TMEM163: variants seen among roughly 807,000 people sequenced by gnomAD.
The protein encoded by TMEM163 is transmembrane protein 163.
Under a neutral mutation model 29.3 loss-of-function variants are expected in TMEM163, and 17 were observed. That is an observed-to-expected ratio of 0.58 (90% CI 0.40 to 0.87). The LOEUF (loss-of-function observed/expected upper bound fraction) is 0.87, where lower values mean the gene tolerates loss of function less well. TMEM163 is among the 40% of genes least tolerant of loss of function. TMEM163 has a pLI of 0.00. For missense variants in TMEM163, 303 were observed against 381.5 expected, an observed-to-expected ratio of 0.79 and a Z score of 1.71; for synonymous variants, 157 against 160.6, an observed-to-expected ratio of 0.98 and a Z score of 0.17.
At chr2:134,495,157 A>G (rs1487968491) in intron 5 of TMEM163, among the ~76,000 whole-genome samples, 1 of 152,188 alleles carries the variant, frequency 6.6e-6, no homozygotes, top group East Asian at 1.9e-4. Flanking sequence ...ACGAGTGGCA[A>G]AGTCAGGGAA....
At chr2:134,647,042 T>C (rs1457679332) in intron 2 of TMEM163, among the ~76,000 whole-genome samples, 1 of 152,184 alleles carries the variant, frequency 6.6e-6, no homozygotes, top group Non-Finnish European at 1.5e-5. Context: ...GCTTGAGAAG[T>C]AACAAGAAGA....
intron 4 of TMEM163, among the ~76,000 whole-genome samples, chr2:134,544,851 C>T (rs1474158596): frequency 6.6e-6 from 1 of 152,082 alleles, no homozygotes; most frequent in African/African-American, 2.4e-5. Flanking sequence ...ATACCAAGTA[C>T]CCAATGACCA....
chr2:134,674,631 T>C (rs1337970968), intron 2 of TMEM163, among the ~76,000 whole-genome samples: 2 of 151,980 alleles, frequency 1.3e-5, no homozygotes, highest in Non-Finnish European at 2.9e-5. Flanking sequence ...GTGCTGGGAT[T>C]ACAGGCGTGA....
intron 2 of TMEM163, among the ~76,000 whole-genome samples, chr2:134,601,232 G>C (rs1384623437): frequency 1.3e-5 from 2 of 152,126 alleles, no homozygotes; most frequent in Non-Finnish European, 2.9e-5. Context: ...ACATTTTCCT[G>C]AGTGTAATGC....
At chr2:134,645,509 C>A (rs930513741) in intron 2 of TMEM163, among the ~76,000 whole-genome samples, 22 of 152,182 alleles carry the variant, frequency 1.4e-4, no homozygotes, top group African/African-American at 5.1e-4. Flanking sequence ...AACACAAGAA[C>A]CTGTATGCAA....
chr2:134,629,493 T>C (rs1398571131), intron 2 of TMEM163, among the ~76,000 whole-genome samples: 1 of 152,188 alleles, frequency 6.6e-6, no homozygotes, highest in East Asian at 1.9e-4. Context: ...CCTTATCACA[T>C]GGCAAGTTTG....
intron 5 of TMEM163, among the ~76,000 whole-genome samples, chr2:134,470,446 A>T (rs535640017): frequency 4.4e-4 from 67 of 151,836 alleles, no homozygotes; most frequent in African/African-American, 1.5e-3. Flanking sequence ...TTGGGAAGCT[A>T]AGTTTTTTAA....
chr2:134,616,391 T>C (rs1488844282), intron 2 of TMEM163, among the ~76,000 whole-genome samples: 1 of 152,202 alleles, frequency 6.6e-6, no homozygotes, highest in East Asian at 1.9e-4. Flanking sequence ...CATCCACTTT[T>C]GAGTACTGAT....
chr2:134,681,562 T>C (rs941941669), intron 2 of TMEM163, among the ~76,000 whole-genome samples: 22 of 151,940 alleles, frequency 1.4e-4, no homozygotes, highest in Admixed American at 1.3e-3. Flanking sequence ...CTACATCCCA[T>C]GCAAACAGGA....
intron 2 of TMEM163, among the ~76,000 whole-genome samples, chr2:134,572,953 G>A (rs1418548632): frequency 2.0e-5 from 3 of 152,120 alleles, no homozygotes; most frequent in Non-Finnish European, 2.9e-5. Context: ...AGTACAACAC[G>A]CTGTTGAATC....
At chr2:134,502,640 T>C (rs1679723229) in intron 5 of TMEM163, among the ~76,000 whole-genome samples, 1 of 152,128 alleles carries the variant, frequency 6.6e-6, no homozygotes, top group African/African-American at 2.4e-5. Context: ...ACACAAAAAG[T>C]CTTGCTTTAA....
At chr2:134,488,629 G>C (rs1240927319) in intron 5 of TMEM163, among the ~76,000 whole-genome samples, 1 of 152,118 alleles carries the variant, frequency 6.6e-6, no homozygotes, top group African/African-American at 2.4e-5. Flanking sequence ...TGGGACTTTA[G>C]CATGTGATCA....
chr2:134,711,847 G>A (rs919797429), intron 2 of TMEM163, among the ~76,000 whole-genome samples: 15 of 152,126 alleles, frequency 9.9e-5, no homozygotes, highest in African/African-American at 2.4e-4. Flanking sequence ...ACATGGACAC[G>A]TCTGAGTTAC....
At chr2:134,680,861 C>T (rs1684215495) in intron 2 of TMEM163, among the ~76,000 whole-genome samples, 1 of 152,214 alleles carries the variant, frequency 6.6e-6, no homozygotes, top group Admixed American at 6.5e-5. Flanking sequence ...CTCTCCATAC[C>T]TCCATTTCTC....
chr2:134,677,972 C>G (rs1461325458), intron 2 of TMEM163, among the ~76,000 whole-genome samples: 1 of 152,170 alleles, frequency 6.6e-6, no homozygotes, highest in African/African-American at 2.4e-5. Flanking sequence ...TCCAGTAAGC[C>G]CACCCGCAGC....
chr2:134,563,918 G>C (rs1464312039), intron 2 of TMEM163, among the ~76,000 whole-genome samples: 4 of 152,172 alleles, frequency 2.6e-5, no homozygotes, highest in African/African-American at 9.7e-5. Context: ...TAGGCGTGGT[G>C]GTGGGTGTCT....
intron 2 of TMEM163, among the ~76,000 whole-genome samples, chr2:134,657,274 T>C (rs922924750): frequency 6.6e-6 from 1 of 152,236 alleles, no homozygotes; most frequent in Non-Finnish European, 1.5e-5. Flanking sequence ...ATTTCAGAAC[T>C]CAATATTGGT....
intron 4 of TMEM163, among the ~76,000 whole-genome samples, chr2:134,519,294 G>T (rs1349943843): frequency 6.6e-6 from 1 of 152,116 alleles, no homozygotes; most frequent in South Asian, 2.1e-4. Context: ...CCCTCTCTTG[G>T]GGCAGTCTTT....
intron 2 of TMEM163, among the ~76,000 whole-genome samples, chr2:134,659,229 A>G (rs969739035): frequency 6.6e-6 from 1 of 152,246 alleles, no homozygotes; most frequent in African/African-American, 2.4e-5. Flanking sequence ...CAATGTCACT[A>G]AGCAAGAGAA....
Sources: allele counts gnomAD v4.1 joint callset (sites outside exome capture counted in the v4.1 genomes callset), GRCh38; gene constraint gnomAD v4.1.1; transcripts MANE v1.5; gene names NCBI Gene and HGNC (gene_info 2026-07-23, HGNC 2026-07-21).